The following ZNF436 variants were observed in gnomAD, a reference collection of about 807,000 sequenced individuals.
The protein encoded by ZNF436 is zinc finger protein 436.
A neutral mutation model predicts 41.9 loss-of-function variants in ZNF436; 22 were observed. That is an observed-to-expected ratio of 0.53 (90% CI 0.38 to 0.75). The LOEUF (loss-of-function observed/expected upper bound fraction) is 0.75. Among genes scored for constraint, ZNF436 ranks in the 30% least tolerant of loss-of-function variants. ZNF436 has a pLI of 0.00. For missense variants in ZNF436, 506 were observed against 587.3 expected (o/e 0.86, Z 1.43); for synonymous variants, 217 against 197.8 (o/e 1.10, Z -0.82).
chr1:23,360,249 A>G lies in ZNF436; in HGVS notation c.*1720T>C, dbSNP rs933934436. ...GTCCCACACAGCTGTGGGTCACAAT[A>G]ACTCATTATAGTACCCACCCAGAGA... On this transcript the variant is annotated 3_prime_UTR_variant, in exon 4 of 4. Transcript: ENST00000314011. 2.0e-5 allele frequency: 3 copies of G among 152,252 alleles called. No individual in the cohort carries two copies. Among genetic ancestry groups the G allele is most frequent in the African/African-American group, 7.2e-5 (3 of 41,464 alleles). The allele number at this position is 152,252 out of a possible 1,614,324, so 9.4% of individuals were successfully genotyped here. A position where few individuals can be genotyped will look rare whatever the true frequency, so the allele number is the denominator to read the frequency against.
At chr1:23,365,917 CAAAAA>C (rs10634507) in intron 3 of ZNF436, among the ~76,000 whole-genome samples, 1 of 98,024 alleles carries the variant, frequency 1.0e-5, no homozygotes, top group African/African-American at 4.4e-5. Flanking sequence ...GATCCTGTCT[CAAAAA>C]AAAAAAAAAA....
intron 3 of ZNF436, among the ~76,000 whole-genome samples, chr1:23,365,226 T>TA (rs35853590): frequency 1.8e-3 from 244 of 136,902 alleles, no homozygotes; most frequent in South Asian, 2.8e-3. Context: ...ACCCCATCTC[T>TA]AAAAAAAAAA....
chr1:23,361,955 ATCAT>A lies in ZNF436; in HGVS notation c.*10_*13del, dbSNP rs1283180043. On this transcript the variant is annotated 3_prime_UTR_variant, in exon 4 of 4. Coordinates refer to ENST00000314011, the MANE Select transcript of ZNF436 (RefSeq NM_001077195.2). ...TCTTCAAATGAATCATTTCTCAGCC[ATCAT>A]AATTACAGCTTAGTCCGTATGAACT... 1.3e-6 allele frequency: 2 copies of A among 1,557,860 alleles called. No individual in the cohort carries two copies. Among genetic ancestry groups the A allele is most frequent in the African/African-American group, 2.8e-5 (2 of 72,588 alleles).
Position 23,369,727 on chromosome 1 carries a change from C to A in ZNF436, c.-422G>T, listed in dbSNP as rs757700558. ...GGAACGGGAGGACTCGCAGCTCTCCCTTTCCCCAGCCAGGATGAGGGAATT... is the reference window on the plus strand; with the variant it reads ...GGAACGGGAGGACTCGCAGCTCTCCATTTCCCCAGCCAGGATGAGGGAATT... On this transcript the variant is annotated 5_prime_UTR_variant, in exon 1 of 4. It adds an upstream start codon to the 5' untranslated region. Coordinates refer to ENST00000314011, the MANE Select transcript of ZNF436 (RefSeq NM_001077195.2). 7.4e-6 allele frequency: 3 copies of A among 406,808 alleles called. No individual in the cohort carries two copies. The highest frequency in any genetic ancestry group is 1.5e-5 in the Non-Finnish European group (3 of 194,948). The allele number at this position is 406,808 out of a possible 1,614,324, so 25.2% of individuals were successfully genotyped here.
In ZNF436 at chr1:23,363,088, G is replaced by A. The variant is rs113736308; in HGVS notation, c.294C>T (p.Ser98=). 3.2e-4 allele frequency: 510 copies of A among 1,614,092 alleles called. No individual in the cohort carries two copies. In the African/African-American group the frequency reaches 5.5e-3, roughly 17 times the overall value. The change falls in exon 4 of 4, where the codon AGC becomes AGT. Residue 98 remains serine, a synonymous_variant. Coordinates refer to ENST00000314011, the MANE Select transcript of ZNF436 (RefSeq NM_001077195.2). ...CCCATTGTCTTTCTGACCTATCTCC[G>A]CTTTCAAAGCCCTCTTCACTTTCAG... ...ENPESEEGFE[S]GDRSERQWGD... is the part of the protein sequence containing the mutation.
intron 3 of ZNF436, 73 bp from the exon 4 acceptor site, chr1:23,363,294 T>A (rs751163966): frequency 2.6e-4 from 71 of 269,202 alleles, no homozygotes; most frequent in Non-Finnish European, 3.6e-4. Context: ...CTATACTAAA[T>A]TTTTTTTTTT....
intron 1 of ZNF436, chr1:23,368,274 G>C: frequency 2.1e-6 from 1 of 471,440 alleles, no homozygotes; most frequent in Non-Finnish European, 3.8e-6. Flanking sequence ...CAGCCCCCTG[G>C]CTGGGTCCCT....
Position 23,367,036 on chromosome 1 carries a change from AC to A in ZNF436, c.160+5del. 1 of 1,608,598 alleles carries A rather than the reference AC, an allele frequency of 6.2e-7. No individual in the cohort carries two copies. On this transcript the variant is annotated splice_donor_5th_base_variant and intron_variant, in intron 3 of 3. Coordinates refer to ENST00000314011, the MANE Select transcript of ZNF436 (RefSeq NM_001077195.2). ...GGAGGCAAAGAAAGGTAGAATCCTT[AC>A]TTACCTAGTGAGACAACATTTCCAT...
At chr1:23,364,175 TTCA>T (rs1232043934) in intron 3 of ZNF436, among the ~76,000 whole-genome samples, 10 of 152,250 alleles carry the variant, frequency 6.6e-5, no homozygotes, top group Non-Finnish European at 1.5e-4. Flanking sequence ...TTGCCAAGCC[TTCA>T]TCATTAGTAG....
Position 23,362,433 on chromosome 1 carries a change from G to A in ZNF436, c.949C>T (p.Gln317Ter). The A allele has an allele frequency of 6.2e-7, 1 of 1,613,784 alleles. No homozygotes were observed. Among genetic ancestry groups the A allele is most frequent in the Non-Finnish European group, 8.5e-7 (1 of 1,179,834 alleles). The change falls in exon 4 of 4, where the codon CAG becomes TAG. Residue 317 changes from glutamine to a stop codon, truncating the protein, a stop_gained. Coordinates refer to ENST00000314011, the MANE Select transcript of ZNF436 (RefSeq NM_001077195.2). LOFTEE classifies it high-confidence loss of function. ...CGATGACGCACAAGGTCGGAGTTCTGACTGAAATTCTTCCCACACTCATCA... is the reference window on the plus strand; with the variant it reads ...CGATGACGCACAAGGTCGGAGTTCTAACTGAAATTCTTCCCACACTCATCA... ...KCDECGKNFS[Q>*]NSDLVRHRRA...
chr1:23,365,917 C>CAAAAAA (rs10634507), intron 3 of ZNF436, among the ~76,000 whole-genome samples: 2 of 97,996 alleles, frequency 2.0e-5, no homozygotes, highest in Non-Finnish European at 3.8e-5. Flanking sequence ...GATCCTGTCT[C>CAAAAAA]AAAAAAAAAA....
intron 2 of ZNF436, among the ~76,000 whole-genome samples, chr1:23,367,372 C>A (rs1490710005): frequency 6.6e-6 from 1 of 152,190 alleles, no homozygotes; most frequent in Non-Finnish European, 1.5e-5. Flanking sequence ...GCTATCCCTG[C>A]CCCACTCAGG....
intron 2 of ZNF436, 113 bp downstream of exon 2, chr1:23,367,860 A>G: frequency 8.0e-7 from 1 of 1,250,106 alleles, no homozygotes; most frequent in South Asian, 1.3e-5. Context: ...CAGAATATCG[A>G]AGCCAGCGAA....
In ZNF436 at chr1:23,367,188, C is replaced by T. The variant is rs1436430177; in HGVS notation, c.34-20G>A. 6.3e-7 allele frequency: 1 copy of T among 1,589,248 alleles called. No homozygotes were observed. Among genetic ancestry groups the T allele is most frequent in the Non-Finnish European group, 8.5e-7 (1 of 1,170,604 alleles). On this transcript the variant is annotated intron_variant, in intron 2 of 3. Coordinates refer to ENST00000314011, the MANE Select transcript of ZNF436 (RefSeq NM_001077195.2). ...AGGTGCCTGAAATCACACGATACTT[C>T]CCTACTATTCTGTATTTAGGACTTC...
chr1:23,364,588 G>A (rs1036905591), intron 3 of ZNF436, among the ~76,000 whole-genome samples: 6 of 152,202 alleles, frequency 3.9e-5, no homozygotes, highest in Non-Finnish European at 5.9e-5. Flanking sequence ...CTATGTCATA[G>A]TTGACAGAAA....
In ZNF436 at chr1:23,361,918, A is replaced by G; in HGVS notation, c.*51T>C. On this transcript the variant is annotated 3_prime_UTR_variant, in exon 4 of 4. Coordinates refer to ENST00000314011, the MANE Select transcript of ZNF436 (RefSeq NM_001077195.2). Reference sequence around the variant, plus strand: ...GTCTTGAGGGCGTTCATTGATATCAAATAAAATTGTATCTTCAAATGAATC... The same window carrying G: ...GTCTTGAGGGCGTTCATTGATATCAGATAAAATTGTATCTTCAAATGAATC... The G allele has an allele frequency of 6.6e-7, 1 of 1,522,792 alleles. No homozygotes were observed. Among genetic ancestry groups the G allele is most frequent in the Non-Finnish European group, 8.8e-7 (1 of 1,136,506 alleles). 94.3% of individuals were successfully genotyped at this position (1,522,792 alleles called of 1,614,324 possible).
rs191893217 is a variant in ZNF436, at chr1:23,369,603, G to A, written c.-298C>T. 9.2e-5 allele frequency: 49 copies of A among 530,684 alleles called. No individual in the cohort carries two copies. In the Admixed American group the frequency reaches 9.5e-4, roughly 10 times the overall value. 32.9% of individuals were successfully genotyped at this position (530,684 alleles called of 1,614,324 possible). On this transcript the variant is annotated 5_prime_UTR_variant, in exon 1 of 4. Transcript: ENST00000314011. ...AGATTCCCGAGGCCTCAGACTCGCA[G>A]GCAGCTCAGAAACCACAGGCTCATA...
At chr1:23,364,583 T>A (rs577310690) in intron 3 of ZNF436, among the ~76,000 whole-genome samples, 2 of 152,196 alleles carry the variant, frequency 1.3e-5, no homozygotes, top group Non-Finnish European at 2.9e-5. Flanking sequence ...TTTACCTATG[T>A]CATAGTTGAC....
At position 23,363,053 on chromosome 1, in the gene ZNF436, G is replaced by A; in HGVS notation, c.329C>T (p.Thr110Ile). ...AGGATAGCTTACCCACTCTTCTGCTGTTAAATCTCCCCATTGTCTTTCTGA... is the reference window on the plus strand; with the variant it reads ...AGGATAGCTTACCCACTCTTCTGCTATTAAATCTCCCCATTGTCTTTCTGA... Reference protein sequence around the residue: ...DRSERQWGDLTAEEWVSYPLQ... With the variant: ...DRSERQWGDLIAEEWVSYPLQ... Residue 110 changes from threonine (T) to isoleucine (I), a missense_variant, in exon 4 of 4, where the codon ACA becomes ATA. Coordinates refer to ENST00000314011, the MANE Select transcript of ZNF436 (RefSeq NM_001077195.2). 1.2e-6 allele frequency: 2 copies of A among 1,614,152 alleles called. No individual in the cohort carries two copies. Among genetic ancestry groups the A allele is most frequent in the Non-Finnish European group, 8.5e-7 (1 of 1,180,034 alleles).
Sources: gnomAD v4.1 joint callset for allele counts (sites outside exome capture counted in the v4.1 genomes callset) on GRCh38, gnomAD v4.1.1 for gene constraint, MANE v1.5 for transcripts, NCBI Gene and HGNC (gene_info 2026-07-23, HGNC 2026-07-21) for gene names.